Variants in STAT3 observed in about 807,000 individuals in gnomAD.
STAT3 encodes the protein DNA-binding protein APRF.
In STAT3, 7 loss-of-function variants were observed where a neutral mutation model predicts 114.3. That is an observed-to-expected ratio of 0.06 (90% CI 0.03 to 0.11). STAT3 has a LOEUF of 0.11. STAT3 is among the 10% of genes least tolerant of loss of function. The pLI is 1.00. For synonymous variants in STAT3, 331 were observed against 354.5 expected (o/e 0.93, Z 0.74); for missense variants, 364 against 960.9 (o/e 0.38, Z 8.21).
chr17:42,316,178 T>A (rs2081241241), intron 23 of STAT3: 2 of 744,314 alleles, frequency 2.7e-6, no homozygotes, highest in Non-Finnish European at 3.7e-6. Flanking sequence ...GCCCACTGGA[T>A]TTTAAAGGCT....
chr17:42,371,913 G>A (rs1192501696), intron 1 of STAT3, among the ~76,000 whole-genome samples: 1 of 151,972 alleles, frequency 6.6e-6, no homozygotes, highest in East Asian at 1.9e-4. Context: ...AAACTGGGAG[G>A]CGGAGGCTGC....
At chr17:42,331,560 A>T in intron 10 of STAT3, 29 bp from the exon 11 acceptor site, 1 of 1,572,444 alleles carries the variant, frequency 6.4e-7, no homozygotes, top group Middle Eastern at 1.7e-4. Context: ...TCCAAGGAAA[A>T]AAAGTCAGTA....
In STAT3 at chr17:42,313,919, C is replaced by G. The variant is rs999119253; in HGVS notation, c.*1826G>C. On this transcript the variant is annotated 3_prime_UTR_variant, in exon 24 of 24. Transcript: ENST00000264657. ...AGAGAAGGTCGTCTCCCCCTTAATT[C>G]AGAGACCAGCTAATTTGATTTAACA... 15 of 232,242 alleles carry G rather than the reference C, an allele frequency of 6.5e-5. No homozygotes were observed. Among genetic ancestry groups the G allele is most frequent in the Non-Finnish European group, 1.1e-4 (13 of 117,204 alleles). 14.4% of individuals were successfully genotyped at this position (232,242 alleles called of 1,614,324 possible). A position where few individuals can be genotyped will look rare whatever the true frequency, so the allele number is the denominator to read the frequency against.
intron 1 of STAT3, among the ~76,000 whole-genome samples, chr17:42,353,358 A>AAAAG (rs200239374): frequency 6.1e-5 from 9 of 147,174 alleles, no homozygotes; most frequent in African/African-American, 1.7e-4. Flanking sequence ...AAAAAAAAAA[A>AAAAG]AAAGAAAGAA....
intron 1 of STAT3, among the ~76,000 whole-genome samples, chr17:42,385,508 C>CAAAAA (rs11328125): frequency 9.2e-6 from 1 of 108,286 alleles, no homozygotes; most frequent in African/African-American, 3.8e-5. Context: ...AACTCCAACT[C>CAAAAA]AAAAAAAAAA....
At chr17:42,366,729 G>A (rs568266369) in intron 1 of STAT3, among the ~76,000 whole-genome samples, 3 of 146,600 alleles carry the variant, frequency 2.0e-5, no homozygotes, top group African/African-American at 7.5e-5. Context: ...TCCCACTGAC[G>A]CAGCCTTAAT....
At chr17:42,338,689 A>G (rs1190938356) in intron 6 of STAT3, 42 bp downstream of exon 6, 1 of 1,566,766 alleles carries the variant, frequency 6.4e-7, no homozygotes, top group Non-Finnish European at 8.8e-7. Context: ...AACAACACAA[A>G]CTCACTTTCT....
chr17:42,332,280 C>T (rs2082050483), intron 10 of STAT3, among the ~76,000 whole-genome samples: 1 of 150,452 alleles, frequency 6.6e-6, no homozygotes, highest in African/African-American at 2.4e-5. Context: ...TGACTCACAC[C>T]TGTAATCCCA....
At chr17:42,329,932 C>G (rs1195958033) in intron 11 of STAT3, among the ~76,000 whole-genome samples, 156 bp from the exon 12 acceptor site, 2 of 152,256 alleles carry the variant, frequency 1.3e-5, no homozygotes. Flanking sequence ...AACATAACAC[C>G]TCTGCGTAGC....
intron 21 of STAT3, among the ~76,000 whole-genome samples, chr17:42,321,700 T>C (rs1308011536): frequency 6.6e-6 from 1 of 152,232 alleles, no homozygotes; most frequent in Non-Finnish European, 1.5e-5. Context: ...GGCTGAAATC[T>C]GGGCCTCAAA....
intron 14 of STAT3, among the ~76,000 whole-genome samples, chr17:42,328,391 A>G (rs918919307): frequency 6.6e-6 from 1 of 152,234 alleles, no homozygotes; most frequent in Non-Finnish European, 1.5e-5. Flanking sequence ...ACATTTTTAA[A>G]AAGGACTGCT....
chr17:42,316,657 T>A, intron 23 of STAT3, 132 bp downstream of exon 23: 1 of 1,544,048 alleles, frequency 6.5e-7, no homozygotes, highest in Non-Finnish European at 8.7e-7. Context: ...TCATACCATC[T>A]CTTTTGGAAA....
In STAT3 at chr17:42,388,262, C is replaced by G; in HGVS notation, c.-24+17G>C. 1 of 1,231,890 alleles carries G rather than the reference C, an allele frequency of 8.1e-7. No individual in the cohort carries two copies. Among genetic ancestry groups the G allele is most frequent in the Non-Finnish European group, 1.0e-6 (1 of 988,098 alleles). The allele number at this position is 1,231,890 out of a possible 1,614,324, so 76.3% of individuals were successfully genotyped here. A position where few individuals can be genotyped will look rare whatever the true frequency, so the allele number is the denominator to read the frequency against. On this transcript the variant is annotated intron_variant, in intron 1 of 23. Coordinates refer to ENST00000264657, the MANE Select transcript of STAT3 (RefSeq NM_139276.3). Reference sequence around the variant, plus strand: ...TCCCCAGGCCTCCCCAACGGCCCCACCCTGCACCCCCTTCACCTGTTTCTC... The same window carrying G: ...TCCCCAGGCCTCCCCAACGGCCCCAGCCTGCACCCCCTTCACCTGTTTCTC...
rs374327257 is a variant in STAT3, at chr17:42,315,733, G to A, written c.*12C>T. The A allele has an allele frequency of 1.3e-5, 21 of 1,613,558 alleles. No homozygotes were observed. Among genetic ancestry groups the A allele is most frequent in the African/African-American group, 6.7e-5 (5 of 74,910 alleles). ...TCAGTCGTATCTTTCTGCAGCTTCC[G>A]TTCTCAGCTCCTCACATGGGGGAGG... On this transcript the variant is annotated 3_prime_UTR_variant, in exon 24 of 24. Coordinates refer to ENST00000264657, the MANE Select transcript of STAT3 (RefSeq NM_139276.3).
At chr17:42,340,786 C>T (rs1291649815) in intron 4 of STAT3, among the ~76,000 whole-genome samples, 8 of 152,196 alleles carry the variant, frequency 5.3e-5, no homozygotes, top group African/African-American at 1.7e-4. Flanking sequence ...GAGAAAGACT[C>T]TGTGTACACA....
chr17:42,364,644 G>A (rs2083683267), intron 1 of STAT3, among the ~76,000 whole-genome samples: 1 of 152,110 alleles, frequency 6.6e-6, no homozygotes, highest in African/African-American at 2.4e-5. Context: ...CACCACACCT[G>A]GCTAATTTTT....
chr17:42,320,174 T>C (rs1190765225), intron 21 of STAT3, among the ~76,000 whole-genome samples: 2 of 151,934 alleles, frequency 1.3e-5, no homozygotes, highest in African/African-American at 2.4e-5. Flanking sequence ...CAAAGGGAGA[T>C]AGGTGGCAGA....
rs897943031 is a variant in STAT3 at position 42,314,748 on chromosome 17, G to A, written c.*997C>T. On this transcript the variant is annotated 3_prime_UTR_variant, in exon 24 of 24. Coordinates refer to ENST00000264657, the MANE Select transcript of STAT3 (RefSeq NM_139276.3). ...CAAAGGCCAGGTTGCAGCTTCAGAT[G>A]TCTTAAGGGTTTGACCTGAAGCCCG... The A allele has an allele frequency of 2.3e-5, 5 of 214,902 alleles. No homozygotes were observed. The East Asian group carries it at 3.4e-4, about 15-fold the overall frequency. 13.3% of individuals were successfully genotyped at this position (214,902 alleles called of 1,614,324 possible). A position where few individuals can be genotyped will look rare whatever the true frequency, so the allele number is the denominator to read the frequency against.
intron 3 of STAT3, 131 bp downstream of exon 3, chr17:42,346,438 C>T (rs2082703905): frequency 7.4e-7 from 1 of 1,359,114 alleles, no homozygotes; most frequent in African/African-American, 1.4e-5. Context: ...CTAATTACTT[C>T]TCCTGTGATT....
Sources: allele counts gnomAD v4.1 joint callset (sites outside exome capture counted in the v4.1 genomes callset), GRCh38; gene constraint gnomAD v4.1.1; transcripts MANE v1.5; gene names NCBI Gene and HGNC (gene_info 2026-07-23, HGNC 2026-07-21).